The following BTBD9 variants were observed in gnomAD, a reference collection of about 807,000 sequenced individuals.
The protein encoded by BTBD9 is BTB/POZ domain-containing protein 9.
Under a neutral mutation model 64.3 loss-of-function variants are expected in BTBD9, and 49 were observed. The observed-to-expected ratio is 0.76, with a 90% CI of 0.61 to 0.97. The LOEUF (loss-of-function observed/expected upper bound fraction) is 0.97. Among genes scored for constraint, BTBD9 ranks in the 50% least tolerant of loss-of-function variants. The probability of loss-of-function intolerance (pLI) is 0.00; values close to 1 mark genes in which losing one functional copy is unlikely to be tolerated. For synonymous variants in BTBD9, 260 were observed against 274.7 expected, an observed-to-expected ratio of 0.95 and a Z score of 0.53; for missense variants, 598 against 762.1, an observed-to-expected ratio of 0.78 and a Z score of 2.53.
At chr6:38,542,807 G>T (rs1232270857) in intron 6 of BTBD9, among the ~76,000 whole-genome samples, 1 of 152,050 alleles carries the variant, frequency 6.6e-6, no homozygotes, top group Admixed American at 6.6e-5. Context: ...TAAAACTTAG[G>T]CCCAAAGAAA....
chr6:38,331,545 A>C (rs571005749), intron 7 of BTBD9, among the ~76,000 whole-genome samples: 1 of 152,220 alleles, frequency 6.6e-6, no homozygotes, highest in Admixed American at 6.5e-5. Flanking sequence ...AACTAGGCTA[A>C]TGCAAGTTGA....
intron 1 of BTBD9, among the ~76,000 whole-genome samples, chr6:38,600,229 C>T (rs1333332346): frequency 1.3e-5 from 2 of 152,146 alleles, no homozygotes; most frequent in Non-Finnish European, 2.9e-5. Flanking sequence ...TGATTCAGCT[C>T]TATGGTAGGA....
chr6:38,549,050 G>C (rs565110475), intron 6 of BTBD9, among the ~76,000 whole-genome samples: 2 of 152,288 alleles, frequency 1.3e-5, no homozygotes, highest in Non-Finnish European at 2.9e-5. Context: ...GTATAAATAA[G>C]TGAAGGCTAT....
chr6:38,364,011 G>C (rs1765086263), intron 6 of BTBD9, among the ~76,000 whole-genome samples: 1 of 152,126 alleles, frequency 6.6e-6, no homozygotes, highest in Admixed American at 6.5e-5. Flanking sequence ...CTGGTCACTT[G>C]GGGGTTACAC....
At chr6:38,630,263 G>A (rs757800410) in intron 1 of BTBD9, among the ~76,000 whole-genome samples, 4 of 151,824 alleles carry the variant, frequency 2.6e-5, no homozygotes, top group Non-Finnish European at 5.9e-5. Flanking sequence ...CACATGGCTG[G>A]TTTTTTGTTT....
intron 9 of BTBD9, among the ~76,000 whole-genome samples, chr6:38,222,153 A>G (rs942232480): frequency 3.3e-5 from 5 of 152,024 alleles, no homozygotes; most frequent in Admixed American, 6.6e-5. Context: ...TGACACTGGA[A>G]TATAAGATTT....
At chr6:38,330,499 C>T (rs1027953366) in intron 7 of BTBD9, among the ~76,000 whole-genome samples, 1 of 151,848 alleles carries the variant, frequency 6.6e-6, no homozygotes, top group Non-Finnish European at 1.5e-5. Context: ...ACAGCCTGGG[C>T]AACATAGCAA....
chr6:38,460,238 C>G (rs747506775), intron 6 of BTBD9, among the ~76,000 whole-genome samples: 2 of 152,160 alleles, frequency 1.3e-5, no homozygotes, highest in Non-Finnish European at 2.9e-5. Flanking sequence ...TTTCTCTGTA[C>G]TGTCTATTTA....
At chr6:38,417,077 C>T (rs938071694) in intron 6 of BTBD9, among the ~76,000 whole-genome samples, 1 of 151,998 alleles carries the variant, frequency 6.6e-6, no homozygotes, top group African/African-American at 2.4e-5. Flanking sequence ...GTAGCTAGGA[C>T]TACAGGCACA....
At chr6:38,393,736 A>G (rs1051644983) in intron 6 of BTBD9, among the ~76,000 whole-genome samples, 23 of 152,214 alleles carry the variant, frequency 1.5e-4, no homozygotes, top group African/African-American at 5.1e-4. Context: ...GTTGACTTAC[A>G]GGGGAATGTC....
intron 9 of BTBD9, among the ~76,000 whole-genome samples, chr6:38,228,756 C>T (rs1763498840): frequency 6.6e-6 from 1 of 151,580 alleles, no homozygotes; most frequent in South Asian, 2.1e-4. Flanking sequence ...CGCCTGTAGT[C>T]CCAGCTACTC....
At chr6:38,288,133 C>T in intron 8 of BTBD9, 139 bp downstream of exon 8, 1 of 900,488 alleles carries the variant, frequency 1.1e-6, no homozygotes, top group Non-Finnish European at 1.7e-6. Flanking sequence ...TCCTTCGGCT[C>T]CCACTCCTTT....
chr6:38,255,779 A>G (rs1438318602), intron 9 of BTBD9, among the ~76,000 whole-genome samples: 1 of 152,134 alleles, frequency 6.6e-6, no homozygotes, highest in Non-Finnish European at 1.5e-5. Context: ...CATAATAACT[A>G]CTGAAGTATG....
chr6:38,451,374 G>A (rs1229725268), intron 6 of BTBD9, among the ~76,000 whole-genome samples: 1 of 152,152 alleles, frequency 6.6e-6, no homozygotes, highest in Non-Finnish European at 1.5e-5. Context: ...TGTAGTCCTA[G>A]CACAGTGCTT....
At chr6:38,484,491 C>A (rs1453738225) in intron 6 of BTBD9, among the ~76,000 whole-genome samples, 1 of 152,170 alleles carries the variant, frequency 6.6e-6, no homozygotes, top group East Asian at 1.9e-4. Flanking sequence ...AATCCTTTAT[C>A]AACTGAGTGC....
intron 7 of BTBD9, among the ~76,000 whole-genome samples, chr6:38,329,861 G>A (rs1394280493): frequency 6.6e-6 from 1 of 151,968 alleles, no homozygotes; most frequent in Non-Finnish European, 1.5e-5. Context: ...GCTGAAGCGG[G>A]AGAATTGCTT....
intron 4 of BTBD9, among the ~76,000 whole-genome samples, chr6:38,582,447 GTTAGACAGAC>G (rs1562373512): frequency 1.3e-5 from 2 of 152,148 alleles, no homozygotes; most frequent in Admixed American, 6.5e-5. Flanking sequence ...GCAGAAAAAA[GTTAGACAGAC>G]TTACTTGTCC....
chr6:38,299,806 T>C (rs1035596133), intron 7 of BTBD9, among the ~76,000 whole-genome samples: 27 of 152,212 alleles, frequency 1.8e-4, no homozygotes, highest in Admixed American at 5.2e-4. Context: ...ATTCTGTAGG[T>C]TGCCTGTTCA....
chr6:38,501,695 T>A (rs1175229445), intron 6 of BTBD9, among the ~76,000 whole-genome samples: 1 of 152,114 alleles, frequency 6.6e-6, no homozygotes, highest in Non-Finnish European at 1.5e-5. Flanking sequence ...GTTATTTACC[T>A]CCCATGTCTG....
Sources: gnomAD v4.1 joint callset for allele counts (sites outside exome capture counted in the v4.1 genomes callset) on GRCh38, gnomAD v4.1.1 for gene constraint, MANE v1.5 for transcripts, NCBI Gene and HGNC (gene_info 2026-07-23, HGNC 2026-07-21) for gene names.